PPA2: variants seen among roughly 807,000 people sequenced by gnomAD.
The protein encoded by PPA2 is inorganic pyrophosphatase 2, mitochondrial.
Under a neutral mutation model 49.5 loss-of-function variants are expected in PPA2, and 48 were observed. The ratio of observed to expected loss-of-function variants is 0.97; its 90% CI spans 0.77 to 1.23. PPA2 has a LOEUF of 1.23. Among genes scored for constraint, PPA2 ranks in the 50% most tolerant of loss-of-function variants. The pLI, the probability that PPA2 is intolerant of heterozygous loss-of-function variation, is 0.00. For synonymous variants in PPA2, 131 were observed against 139.9 expected, an observed-to-expected ratio of 0.94 and a Z score of 0.45; for missense variants, 429 against 410.1, an observed-to-expected ratio of 1.05 and a Z score of -0.40.
intron 1 of PPA2, 130 bp downstream of exon 1, chr4:105,473,764 G>A (rs764013460): frequency 7.3e-7 from 1 of 1,361,596 alleles, no homozygotes; most frequent in Non-Finnish European, 1.0e-6. Context: ...GGCCTGGACC[G>A]CGCGGCTACC....
chr4:105,371,634 G>T (rs779227625), intron 10 of PPA2, among the ~76,000 whole-genome samples: 6 of 152,018 alleles, frequency 3.9e-5, no homozygotes, highest in Non-Finnish European at 7.3e-5. Context: ...CTAATTCTCT[G>T]AATTTGCTGA....
In PPA2 at chr4:105,445,732, G is replaced by A. The variant is rs1234096761; in HGVS notation, c.441+651C>T. Among the ~76,000 whole-genome samples the A allele has an allele frequency of 1.2e-4, 19 of 152,038 alleles. 1 individual carries two copies. Among genetic ancestry groups the A allele is most frequent in the Admixed American group, 1.2e-3 (19 of 15,262 alleles). ...AGAATTTTGATTCAGCATATTCTGA[G>A]TTTTACTCACTAAATAATCTGGAAG... On this transcript the variant is annotated intron_variant, in intron 5 of 11. Coordinates refer to ENST00000341695, the MANE Select transcript of PPA2 (RefSeq NM_176869.3).
intron 7 of PPA2, among the ~76,000 whole-genome samples, chr4:105,422,767 C>T (rs904523614): frequency 2.0e-5 from 3 of 152,138 alleles, no homozygotes; most frequent in East Asian, 1.9e-4. Context: ...CAGGCACCAG[C>T]GCTTGTTATA....
intron 7 of PPA2, among the ~76,000 whole-genome samples, chr4:105,419,775 T>G (rs1029378808): frequency 6.6e-5 from 10 of 152,186 alleles, no homozygotes; most frequent in African/African-American, 2.4e-4. Flanking sequence ...TTATTGTATT[T>G]GTTCACAAAT....
intron 5 of PPA2, among the ~76,000 whole-genome samples, chr4:105,440,462 C>T (rs1247673436): frequency 6.6e-6 from 1 of 152,018 alleles, no homozygotes; most frequent in East Asian, 1.9e-4. Flanking sequence ...GGGTTTTCAC[C>T]ATGTTAGCCA....
intron 3 of PPA2, among the ~76,000 whole-genome samples, chr4:105,449,841 T>C (rs1722593063): frequency 6.6e-6 from 1 of 152,118 alleles, no homozygotes; most frequent in East Asian, 1.9e-4. Flanking sequence ...TCAATGACAA[T>C]ATACAGAAAA....
At chr4:105,401,089 C>T (rs966038546) in intron 7 of PPA2, among the ~76,000 whole-genome samples, 1 of 152,062 alleles carries the variant, frequency 6.6e-6, no homozygotes, top group Non-Finnish European at 1.5e-5. Context: ...AGTTCAATAA[C>T]CCCTCTGAAA....
At chr4:105,391,462 T>A (rs1457854561) in intron 9 of PPA2, among the ~76,000 whole-genome samples, 2 of 152,086 alleles carry the variant, frequency 1.3e-5, no homozygotes, top group Non-Finnish European at 2.9e-5. Flanking sequence ...ATTTATTTAT[T>A]CAGTAAGCAT....
intron 5 of PPA2, among the ~76,000 whole-genome samples, chr4:105,439,965 G>C (rs975403844): frequency 5.3e-5 from 8 of 151,400 alleles, no homozygotes; most frequent in African/African-American, 1.9e-4. Context: ...ATAGTTTGCT[G>C]AGAATGATAA....
At chr4:105,471,466 G>A (rs567301287) in intron 1 of PPA2, among the ~76,000 whole-genome samples, 1 of 152,214 alleles carries the variant, frequency 6.6e-6, no homozygotes, top group South Asian at 2.1e-4. Flanking sequence ...ACCTCCCAAT[G>A]CACTAGTATT....
At chr4:105,414,449 A>T (rs1038248271) in intron 7 of PPA2, among the ~76,000 whole-genome samples, 1 of 152,220 alleles carries the variant, frequency 6.6e-6, no homozygotes. Flanking sequence ...GATCCCACGC[A>T]TGCCAAGGGC....
At chr4:105,405,797 AC>A (rs761464700) in intron 7 of PPA2, 2 of 493,438 alleles carry the variant, frequency 4.1e-6, no homozygotes, top group Non-Finnish European at 7.6e-6. Flanking sequence ...CCAAGAGGGA[AC>A]AAAAATACAA....
intron 8 of PPA2, among the ~76,000 whole-genome samples, chr4:105,397,050 T>C (rs1565484): frequency 0.37 from 56,888 of 152,130 alleles, 12,605 homozygotes; most frequent in East Asian, 0.68. Context: ...CCAGTAAGAA[T>C]ATCTAAGGAA....
At chr4:105,392,544 G>C (rs554030402) in intron 9 of PPA2, among the ~76,000 whole-genome samples, 4 of 151,932 alleles carry the variant, frequency 2.6e-5, no homozygotes, top group Non-Finnish European at 5.9e-5. Context: ...ATGGTGGCAG[G>C]TGCCTGTAAT....
intron 10 of PPA2, among the ~76,000 whole-genome samples, chr4:105,373,522 T>G (rs564036926): frequency 1.3e-3 from 196 of 152,248 alleles, no homozygotes; most frequent in African/African-American, 4.6e-3. Flanking sequence ...CTGCTTCTTG[T>G]TGGAGTGCCA....
chr4:105,445,426 G>T (rs1722332311), intron 5 of PPA2, among the ~76,000 whole-genome samples: 1 of 152,090 alleles, frequency 6.6e-6, no homozygotes, highest in Non-Finnish European at 1.5e-5. Context: ...TTTTAACCAA[G>T]AATGTATCCA....
At chr4:105,419,709 T>A (rs1560622417) in intron 7 of PPA2, among the ~76,000 whole-genome samples, 2 of 152,210 alleles carry the variant, frequency 1.3e-5, no homozygotes, top group Non-Finnish European at 2.9e-5. Context: ...TCTGTACATA[T>A]GTTAATTAGG....
chr4:105,401,162 T>C (rs939038647), intron 7 of PPA2, among the ~76,000 whole-genome samples: 1 of 152,138 alleles, frequency 6.6e-6, no homozygotes, highest in East Asian at 1.9e-4. Context: ...CATACATAGA[T>C]ATATATAAAA....
chr4:105,370,041 T>C (rs963732263), intron 11 of PPA2, among the ~76,000 whole-genome samples: 3 of 152,216 alleles, frequency 2.0e-5, no homozygotes, highest in African/African-American at 7.2e-5. Flanking sequence ...GCAGACAACA[T>C]AGAAGTGCTA....
Sources: allele counts gnomAD v4.1 joint callset (sites outside exome capture counted in the v4.1 genomes callset), GRCh38; gene constraint gnomAD v4.1.1; transcripts MANE v1.5; gene names NCBI Gene and HGNC (gene_info 2026-07-23, HGNC 2026-07-21).